Variants in GALNT16 observed in about 807,000 individuals in gnomAD.
The protein encoded by GALNT16 is UDP-GalNAc:polypeptide N-acetylgalactosaminyltransferase-like protein 1.
Under a neutral mutation model 76.1 loss-of-function variants are expected in GALNT16, and 40 were observed. That is an observed-to-expected ratio of 0.53 (90% CI 0.41 to 0.68). The LOEUF (loss-of-function observed/expected upper bound fraction) is 0.68. Ranked by LOEUF, GALNT16 falls within the 30% of genes least tolerant of loss-of-function variation. GALNT16 has a pLI of 0.00. For synonymous variants in GALNT16, 276 were observed against 285.2 expected, an observed-to-expected ratio of 0.97 and a Z score of 0.32; for missense variants, 621 against 731.9, an observed-to-expected ratio of 0.85 and a Z score of 1.75.
intron 9 of GALNT16, among the ~76,000 whole-genome samples, chr14:69,335,426 G>A (rs1449272763): frequency 1.3e-5 from 2 of 152,180 alleles, no homozygotes; most frequent in Non-Finnish European, 1.5e-5. Flanking sequence ...CTTCAATCTC[G>A]GCCTGAAGGG....
At chr14:69,303,722 A>G (rs942809244) in intron 1 of GALNT16, among the ~76,000 whole-genome samples, 69 of 152,234 alleles carry the variant, frequency 4.5e-4, no homozygotes, top group Non-Finnish European at 1.5e-4. Context: ...TAATTTTTAC[A>G]CAACTGCAAT....
intron 12 of GALNT16, 45 bp downstream of exon 12, chr14:69,341,809 G>C: frequency 1.5e-6 from 2 of 1,378,156 alleles, no homozygotes; most frequent in African/African-American, 1.4e-5. Flanking sequence ...CGGGTAGGGG[G>C]TGGTTGGGGC....
chr14:69,325,177 T>G (rs1341005569), intron 3 of GALNT16, among the ~76,000 whole-genome samples, 160 bp from the exon 4 acceptor site: 1 of 152,128 alleles, frequency 6.6e-6, no homozygotes, highest in Admixed American at 6.5e-5. Context: ...CATCTCCCCA[T>G]TTCCTCAATG....
At chr14:69,334,748 C>T (rs556508021) in intron 9 of GALNT16, among the ~76,000 whole-genome samples, 5 of 152,308 alleles carry the variant, frequency 3.3e-5, no homozygotes, top group Admixed American at 6.5e-5. Flanking sequence ...ACCCCCACCC[C>T]GTCATCTCCT....
intron 1 of GALNT16, among the ~76,000 whole-genome samples, chr14:69,285,186 G>A (rs2044595302): frequency 2.6e-5 from 4 of 151,776 alleles, no homozygotes; most frequent in Admixed American, 2.0e-4. Context: ...GACTACAGGC[G>A]CCCGCTACCA....
intron 9 of GALNT16, among the ~76,000 whole-genome samples, chr14:69,336,626 G>GC (rs2140185110): frequency 1.3e-5 from 2 of 152,204 alleles, no homozygotes; most frequent in African/African-American, 4.8e-5. Context: ...CCATCCACTG[G>GC]CCCTCTTCAG....
chr14:69,379,181 C>T, the GALNT16 span, among the ~76,000 whole-genome samples: 1 of 152,326 alleles, frequency 6.6e-6, no homozygotes, highest in South Asian at 2.1e-4. Context: ...CTCAAATAAT[C>T]TGTCCACCTC....
chr14:69,340,628 G>T (rs762931257), intron 11 of GALNT16, among the ~76,000 whole-genome samples: 5 of 152,064 alleles, frequency 3.3e-5, no homozygotes, highest in Admixed American at 6.6e-5. Flanking sequence ...GGGATTACAG[G>T]CACGTGCCAC....
intron 1 of GALNT16, among the ~76,000 whole-genome samples, chr14:69,268,048 T>C (rs1033820087): frequency 6.6e-6 from 1 of 152,142 alleles, no homozygotes; most frequent in African/African-American, 2.4e-5. Flanking sequence ...CCTTCCCCTT[T>C]CTCTTCCCTT....
At chr14:69,312,073 C>A (rs1170774621) in intron 1 of GALNT16, among the ~76,000 whole-genome samples, 1 of 150,144 alleles carries the variant, frequency 6.7e-6, no homozygotes, top group African/African-American at 2.4e-5. Flanking sequence ...ATCTATCTAT[C>A]TATCTATCTA....
At chr14:69,301,664 CAG>C (rs1373330988) in intron 1 of GALNT16, among the ~76,000 whole-genome samples, 2 of 152,010 alleles carry the variant, frequency 1.3e-5, no homozygotes, top group African/African-American at 4.8e-5. Context: ...TATAAACAGG[CAG>C]AGTTAAGTAA....
At position 69,339,575 on chromosome 14, in the gene GALNT16, C is replaced by T; in HGVS notation, c.1143C>T (p.Tyr381=). Residue 381 remains tyrosine (Y), a synonymous_variant, in exon 11 of 15, where the codon TAC becomes TAT. Coordinates refer to ENST00000448469, the MANE Select transcript of GALNT16 (RefSeq NM_001168368.2). The part of the protein sequence containing the change: ...AEVWMDEYKQ[Y]YYEARPSAIG... ...TGTGGATGGATGAATACAAGCAATA[C>T]TACTATGAGGCCCGGCCCTCGGCCA... 6.2e-7 allele frequency: 1 copy of T among 1,612,952 alleles called. No individual in the cohort carries two copies. Among genetic ancestry groups the T allele is most frequent in the Non-Finnish European group, 8.5e-7 (1 of 1,179,154 alleles).
At chr14:69,372,710 C>G in the GALNT16 span, among the ~76,000 whole-genome samples, 18 of 152,148 alleles carry the variant, frequency 1.2e-4, 1 homozygote, top group South Asian at 1.5e-3. Flanking sequence ...ATCCAAGTAC[C>G]TGAAAAGATT....
intron 1 of GALNT16, among the ~76,000 whole-genome samples, chr14:69,303,213 T>C (rs2044879442): frequency 1.3e-5 from 2 of 152,186 alleles, no homozygotes; most frequent in African/African-American, 4.8e-5. Flanking sequence ...TTGTTACTGG[T>C]TTACATTTGC....
At chr14:69,277,322 G>A (rs185447314) in intron 1 of GALNT16, among the ~76,000 whole-genome samples, 4 of 152,174 alleles carry the variant, frequency 2.6e-5, no homozygotes, top group African/African-American at 4.8e-5. Context: ...TGCTGCACCC[G>A]TTAACTCGTC....
intron 1 of GALNT16, among the ~76,000 whole-genome samples, chr14:69,280,629 T>C (rs2044528408): frequency 6.6e-6 from 1 of 152,188 alleles, no homozygotes; most frequent in African/African-American, 2.4e-5. Flanking sequence ...TAACTTTTTC[T>C]TACCGTTTTA....
intron 14 of GALNT16, chr14:69,349,094 C>A (rs1027780809): frequency 2.0e-5 from 3 of 152,330 alleles, no homozygotes; most frequent in Admixed American, 2.0e-4. Context: ...ACAGCCTCTC[C>A]CTCCGGCCTG....
intron 1 of GALNT16, among the ~76,000 whole-genome samples, chr14:69,314,136 T>C (rs2045067529): frequency 6.6e-6 from 1 of 152,228 alleles, no homozygotes. Context: ...TTCTAATGTG[T>C]GGCCAAGGTT....
Position 69,260,321 on chromosome 14 carries a change from A to G in GALNT16, c.31A>G (p.Ile11Val), listed in dbSNP as rs376278490. 9.3e-6 allele frequency: 15 copies of G among 1,612,746 alleles called. No individual in the cohort carries two copies. The African/African-American group carries it at 1.9e-4, about 20-fold the overall frequency. Residue 11 changes from isoleucine to valine, a missense_variant, in exon 1 of 15, where the codon ATC becomes GTC. Transcript: ENST00000448469. ...GAAGATCCGCGCCAATGCCATCGCC[A>G]TCCTGACCGTAGCCTGGATCCTGGG... MRKIRANAIAILTVAWILGTF... is the reference protein window; with the variant it reads MRKIRANAIAVLTVAWILGTF...
Sources: allele counts gnomAD v4.1 joint callset (sites outside exome capture counted in the v4.1 genomes callset), GRCh38; gene constraint gnomAD v4.1.1; transcripts MANE v1.5; gene names NCBI Gene and HGNC (gene_info 2026-07-23, HGNC 2026-07-21).